Variants in CEP97 observed in about 807,000 individuals in gnomAD.
CEP97 encodes the protein centrosomal protein of 97 kDa.
CEP97 carries 43 observed loss-of-function variants against 73.1 expected under a neutral mutation model. The ratio of observed to expected loss-of-function variants is 0.59; its 90% CI spans 0.46 to 0.76. The LOEUF (loss-of-function observed/expected upper bound fraction) is 0.76. Among genes scored for constraint, CEP97 ranks in the 30% least tolerant of loss-of-function variants. The pLI, the probability that CEP97 is intolerant of heterozygous loss-of-function variation, is 0.00. For synonymous variants in CEP97, 337 were observed against 370.0 expected, an observed-to-expected ratio of 0.91 and a Z score of 1.02; for missense variants, 939 against 1,014.0, an observed-to-expected ratio of 0.93 and a Z score of 1.00.
intron 6 of CEP97, among the ~76,000 whole-genome samples, chr3:101,748,817 T>A (rs1441818538): frequency 2.0e-5 from 3 of 152,106 alleles, no homozygotes; most frequent in Admixed American, 6.6e-5. Flanking sequence ...ATTTTTTGTA[T>A]TTTTAGTAGA....
chr3:101,737,737 T>C (rs1393512021), intron 6 of CEP97, among the ~76,000 whole-genome samples: 3 of 152,074 alleles, frequency 2.0e-5, no homozygotes, highest in Non-Finnish European at 2.9e-5. Context: ...TGCAAAAACA[T>C]ACCAAATTGT....
At chr3:101,740,611 C>T (rs1229510930) in intron 6 of CEP97, among the ~76,000 whole-genome samples, 6 of 149,784 alleles carry the variant, frequency 4.0e-5, no homozygotes, top group Non-Finnish European at 5.9e-5. Flanking sequence ...TTTTTTGAGA[C>T]GGAGTTTTGC....
rs370313105 is a variant in CEP97, at chr3:101,724,829, A to T, written c.43+110A>T. The T allele has an allele frequency of 4.2e-5, 49 of 1,166,910 alleles. No homozygotes were observed. The South Asian group carries it at 5.5e-4, about 13-fold the overall frequency. The allele number at this position is 1,166,910 out of a possible 1,614,324, so 72.3% of individuals were successfully genotyped here. ...GTGCAGTTCTGGACCAGTTCTTTTG[A>T]TGCGGATCTGTGGTCGTCGCGGAGG... On this transcript the variant is annotated intron_variant, in intron 1 of 10. Coordinates refer to ENST00000341893, the MANE Select transcript of CEP97 (RefSeq NM_024548.4).
intron 5 of CEP97, 111 bp from the exon 6 acceptor site, chr3:101,732,377 A>G: frequency 1.4e-6 from 1 of 734,644 alleles, no homozygotes; most frequent in South Asian, 1.9e-5. Context: ...TTTTCAGAAC[A>G]AGAGGGAAAT....
intron 5 of CEP97, among the ~76,000 whole-genome samples, 160 bp from the exon 6 acceptor site, chr3:101,732,328 A>G (rs1446749497): frequency 2.0e-5 from 3 of 152,222 alleles, no homozygotes; most frequent in African/African-American, 7.2e-5. Flanking sequence ...ACAGATGGCT[A>G]TATTGTTGAA....
At chr3:101,731,166 T>C (rs931152836) in intron 4 of CEP97, among the ~76,000 whole-genome samples, 2 of 151,502 alleles carry the variant, frequency 1.3e-5, no homozygotes, top group Admixed American at 6.6e-5. Flanking sequence ...TTGGAAAATT[T>C]GCTTTATATG....
At chr3:101,731,705 C>A (rs1287270888) in intron 4 of CEP97, 135 bp from the exon 5 acceptor site, 1 of 593,688 alleles carries the variant, frequency 1.7e-6, no homozygotes, top group African/African-American at 1.9e-5. Context: ...CATTAACAGT[C>A]TTTGATTTGT....
chr3:101,761,379 A>G (rs1206589127), intron 9 of CEP97, among the ~76,000 whole-genome samples: 1 of 152,186 alleles, frequency 6.6e-6, no homozygotes, highest in Non-Finnish European at 1.5e-5. Flanking sequence ...GGTGACTGAC[A>G]TGGGGTGGAT....
At position 101,726,683 on chromosome 3, in the gene CEP97, A is replaced by G. The variant is rs145823858; in HGVS notation, c.133A>G (p.Lys45Glu). ...TGATATTCACACTTTGATTCTGGAT[A>G]AAAATCAGATTATTAAATTGGAAAA... is the stretch of plus-strand genomic sequence containing the variant. ...EADIHTLILD[K>E]NQIIKLENLE... The change falls in exon 2 of 11, where the codon AAA becomes GAA. Residue 45 changes from lysine (K) to glutamate (E), a missense_variant. By Grantham distance (56) the Lys-to-Glu change is moderately conservative. Coordinates refer to ENST00000341893, the MANE Select transcript of CEP97 (RefSeq NM_024548.4). 3.7e-5 allele frequency: 59 copies of G among 1,607,970 alleles called. 1 individual carries two copies. In the Middle Eastern group the frequency reaches 8.3e-4, roughly 23 times the overall value.
intron 6 of CEP97, among the ~76,000 whole-genome samples, chr3:101,753,708 A>T (rs993168786): frequency 6.6e-6 from 1 of 152,230 alleles, no homozygotes; most frequent in Non-Finnish European, 1.5e-5. Flanking sequence ...CCTCCGAGCC[A>T]GGTGCGGGAT....
At position 101,727,542 on chromosome 3, in the gene CEP97, G is replaced by C. The variant is rs770955468; in HGVS notation, c.345+1G>C. 7.5e-6 allele frequency: 12 copies of C among 1,595,452 alleles called. No homozygotes were observed. Among genetic ancestry groups the C allele is most frequent in the Non-Finnish European group, 9.4e-6 (11 of 1,172,078 alleles). On this transcript the variant is annotated splice_donor_variant, in intron 3 of 10. Transcript: ENST00000341893. LOFTEE classifies it high-confidence loss of function. ...GAATTTGGCAGGAAATAATCTTAAGGTGAATGGTTTCTTTTTTGTTTACAA... is the reference window on the plus strand; with the variant it reads ...GAATTTGGCAGGAAATAATCTTAAGCTGAATGGTTTCTTTTTTGTTTACAA...
chr3:101,768,817 C>T lies in CEP97; in HGVS notation c.*3266C>T, dbSNP rs1939382904. ...ACATTTTATCTTCAGTTTTGTAGAA[C>T]AGATGTTAAAATGTTAACTCTCCTG... On this transcript the variant is annotated 3_prime_UTR_variant, in exon 11 of 11. Coordinates refer to ENST00000341893, the MANE Select transcript of CEP97 (RefSeq NM_024548.4). 1 of 152,128 alleles carries T rather than the reference C, an allele frequency of 6.6e-6. No homozygotes were observed. The highest frequency in any genetic ancestry group is 6.5e-5 in the Admixed American group (1 of 15,278). 9.4% of individuals were successfully genotyped at this position (152,128 alleles called of 1,614,324 possible).
At chr3:101,747,993 A>T (rs962650145) in intron 6 of CEP97, among the ~76,000 whole-genome samples, 1 of 151,658 alleles carries the variant, frequency 6.6e-6, no homozygotes, top group African/African-American at 2.4e-5. Flanking sequence ...TTAGCTGGGT[A>T]TGCTGGTGCA....
chr3:101,750,649 A>G (rs1459594357), intron 6 of CEP97, among the ~76,000 whole-genome samples: 3 of 152,150 alleles, frequency 2.0e-5, no homozygotes, highest in African/African-American at 4.8e-5. Context: ...GGGAGGGTGT[A>G]TGTGTCGAGG....
chr3:101,754,042 CTTTTTTTTTTTT>C (rs35323976), intron 6 of CEP97, among the ~76,000 whole-genome samples: 2 of 75,472 alleles, frequency 2.6e-5, no homozygotes. Flanking sequence ...ATTTGGCCAT[CTTTTTTTTTTTT>C]TTTTTTTTTT....
At position 101,765,425 on chromosome 3, in the gene CEP97, A is replaced by C; in HGVS notation, c.2472A>C (p.Ile824=). 6.2e-7 allele frequency: 1 copy of C among 1,614,170 alleles called. No homozygotes were observed. The highest frequency in any genetic ancestry group is 8.5e-7 in the Non-Finnish European group (1 of 1,180,018). Residue 824 remains isoleucine, a synonymous_variant, in exon 11 of 11, where the codon ATA becomes ATC. Coordinates refer to ENST00000341893, the MANE Select transcript of CEP97 (RefSeq NM_024548.4). ...CTTCTGTAGATGAGAGTCATGGCAT[A>C]TCTCCTCCTTTGCAAGGTGAAATTA... is the stretch of plus-strand genomic sequence containing the variant. ...DGASVDESHG[I]SPPLQGEISQ...
chr3:101,724,748 G>C, intron 1 of CEP97, 29 bp downstream of exon 1: 1 of 1,612,460 alleles, frequency 6.2e-7, no homozygotes, highest in Admixed American at 1.7e-5. Context: ...CGAGTCCTAA[G>C]GTTTACTTCA....
At chr3:101,756,996 C>T in intron 7 of CEP97, 67 bp from the exon 8 acceptor site, 1 of 1,423,386 alleles carries the variant, frequency 7.0e-7, no homozygotes, top group Non-Finnish European at 9.4e-7. Flanking sequence ...ACATTGTTAC[C>T]TAGGAAGCAG....
intron 7 of CEP97, among the ~76,000 whole-genome samples, chr3:101,755,811 A>T (rs1938988523): frequency 6.6e-6 from 1 of 152,072 alleles, no homozygotes; most frequent in Non-Finnish European, 1.5e-5. Context: ...TTTTTGTTTT[A>T]AAGACAGGGT....
Sources: gnomAD v4.1 joint callset for allele counts (sites outside exome capture counted in the v4.1 genomes callset) on GRCh38, gnomAD v4.1.1 for gene constraint, MANE v1.5 for transcripts, NCBI Gene and HGNC (gene_info 2026-07-23, HGNC 2026-07-21) for gene names.